PCDH11Y: variants seen among roughly 807,000 people sequenced by gnomAD.
PCDH11Y encodes the protein protocadherin 11 Y-linked, also known as protocadherin-11 Y-linked.
For missense variants in PCDH11Y, 12 were observed against 224.8 expected (o/e 0.05, Z 6.05); for synonymous variants, 9 against 83.6 (o/e 0.11, Z 4.87).
At chrY:5,298,220 T>C in intron 2 of PCDH11Y, among the ~76,000 whole-genome samples, 5 of 33,876 alleles carry the variant, frequency 1.5e-4, no homozygotes, top group Admixed American at 2.7e-4. Flanking sequence ...TATACTTGTA[T>C]GTATGAATAT....
chrY:5,729,532 T>A, intron 4 of PCDH11Y, among the ~76,000 whole-genome samples: 1 of 32,251 alleles, frequency 3.1e-5, no homozygotes, highest in Non-Finnish European at 7.6e-5. Flanking sequence ...CTTTGCTGAA[T>A]GTATACTTTG....
intron 2 of PCDH11Y, among the ~76,000 whole-genome samples, chrY:5,122,250 C>G: frequency 9.1e-5 from 3 of 33,147 alleles, no homozygotes; most frequent in Admixed American, 2.8e-4. Flanking sequence ...GAGTAGTAGA[C>G]TGGTTTCATC....
chrY:5,695,390 T>C (rs2053571567), intron 4 of PCDH11Y, among the ~76,000 whole-genome samples: 1 of 21,868 alleles, frequency 4.6e-5, no homozygotes, highest in Non-Finnish European at 1.0e-4. Context: ...GTGTTTCTTT[T>C]AGACAACAGA....
In PCDH11Y at chrY:5,059,189, C is replaced by T. The variant is rs375038663; in HGVS notation, c.636+1730C>T. ...CTCTCTCTAAAGCAACACTTCACAACAGAATTTTCTGCAAGGACGGTAATC... is the reference window on the plus strand; with the variant it reads ...CTCTCTCTAAAGCAACACTTCACAATAGAATTTTCTGCAAGGACGGTAATC... On this transcript the variant is annotated intron_variant, in intron 1 of 1. Coordinates refer to ENST00000215473, the Ensembl canonical transcript of PCDH11Y. 4.9e-3 allele frequency among the ~76,000 whole-genome samples: 161 copies of T among 32,891 alleles called. No homozygotes were observed. In the South Asian group the frequency reaches 0.076, roughly 16 times the overall value. 88.2% of individuals were successfully genotyped at this position (32,891 alleles called of 37,273 possible).
intron 2 of PCDH11Y, among the ~76,000 whole-genome samples, chrY:5,131,831 T>C: frequency 3.0e-5 from 1 of 33,581 alleles, no homozygotes; most frequent in South Asian, 6.6e-4. Flanking sequence ...TATTAAATTA[T>C]TGAGTTGTCT....
chrY:5,708,020 C>T lies in PCDH11Y; in HGVS notation c.3353-29252C>T. On this transcript the variant is annotated intron_variant, in intron 4 of 4. Transcript: ENST00000400457. ...TGGAGCTCAAACATCTAGAAGCAGACTTTTCAGTGAAAACCCTACAGGCCA... is the reference window on the plus strand; with the variant it reads ...TGGAGCTCAAACATCTAGAAGCAGATTTTTCAGTGAAAACCCTACAGGCCA... Among the ~76,000 whole-genome samples, 9 of 32,316 alleles carry T rather than the reference C, an allele frequency of 2.8e-4. No individual in the cohort carries two copies. In the South Asian group the frequency reaches 2.9e-3, roughly 10 times the overall value. The allele number at this position is 32,316 out of a possible 37,273, so 86.7% of individuals were successfully genotyped here. A position where few individuals can be genotyped will look rare whatever the true frequency, so the allele number is the denominator to read the frequency against.
chrY:5,368,851 A>G, intron 2 of PCDH11Y, among the ~76,000 whole-genome samples: 1 of 33,868 alleles, frequency 3.0e-5, no homozygotes, highest in Non-Finnish European at 7.3e-5. Context: ...CATCAGCGTG[A>G]CCTGTATGTG....
intron 4 of PCDH11Y, among the ~76,000 whole-genome samples, chrY:5,663,447 A>G (rs2053542536): frequency 3.0e-5 from 1 of 33,508 alleles, no homozygotes; most frequent in Non-Finnish European, 7.4e-5. Flanking sequence ...TAGGACAGCA[A>G]AATGCCTTAA....
intron 2 of PCDH11Y, among the ~76,000 whole-genome samples, chrY:5,249,587 A>G: frequency 9.0e-5 from 3 of 33,257 alleles, no homozygotes; most frequent in Non-Finnish European, 2.2e-4. Flanking sequence ...ATCATAAAAA[A>G]CCCAAAAAGA....
At chrY:5,581,116 A>C in intron 3 of PCDH11Y, among the ~76,000 whole-genome samples, 1 of 32,641 alleles carries the variant, frequency 3.1e-5, no homozygotes, top group Non-Finnish European at 7.6e-5. Context: ...GAAGAAAGTC[A>C]ATAATGCAAG....
intron 2 of PCDH11Y, among the ~76,000 whole-genome samples, chrY:5,318,056 G>A (rs2053108926): frequency 1.8e-3 from 59 of 32,996 alleles, no homozygotes; most frequent in Non-Finnish European, 3.7e-3. Context: ...GAACCAGACC[G>A]TATTTAAATA....
intron 2 of PCDH11Y, among the ~76,000 whole-genome samples, chrY:5,274,033 T>TA (rs2053040979): frequency 6.3e-5 from 2 of 31,563 alleles, no homozygotes; most frequent in Admixed American, 2.9e-4. Context: ...TTGGGCAATA[T>TA]AAAAAAAAAT....
At chrY:5,130,424 C>T (rs2052832274) in intron 2 of PCDH11Y, among the ~76,000 whole-genome samples, 1 of 33,474 alleles carries the variant, frequency 3.0e-5, no homozygotes, top group Admixed American at 2.7e-4. Flanking sequence ...AAACAAACAA[C>T]GCCATAAAAA....
At chrY:5,302,203 A>AGGGG (rs2053083508) in intron 2 of PCDH11Y, among the ~76,000 whole-genome samples, 1 of 14,584 alleles carries the variant, frequency 6.9e-5, no homozygotes, top group African/African-American at 3.6e-4. Context: ...AGAAGGAAGG[A>AGGGG]AGGGAGGAAG....
chrY:5,187,578 G>A, intron 2 of PCDH11Y, among the ~76,000 whole-genome samples: 1 of 31,406 alleles, frequency 3.2e-5, no homozygotes, highest in East Asian at 8.5e-4. Flanking sequence ...ATCATGGCTG[G>A]GACACAGGGC....
At position 5,439,553 on chromosome Y, in the gene PCDH11Y, C is replaced by T. The variant is rs369776828; in HGVS notation, c.3130-61504C>T. Among the ~76,000 whole-genome samples the T allele has an allele frequency of 3.9e-4, 13 of 33,369 alleles. No individual in the cohort carries two copies. The East Asian group carries it at 4.8e-3, about 12-fold the overall frequency. The allele number at this position is 33,369 out of a possible 37,273, so 89.5% of individuals were successfully genotyped here. Reference sequence around the variant, plus strand: ...ACATAATATTAAGATAGTCCCTCTACGTGAAATCATTCTAATATCAAGGGA... The same window carrying T: ...ACATAATATTAAGATAGTCCCTCTATGTGAAATCATTCTAATATCAAGGGA... On this transcript the variant is annotated intron_variant, in intron 2 of 4. Coordinates refer to the PCDH11Y transcript ENST00000400457.
intron 4 of PCDH11Y, among the ~76,000 whole-genome samples, chrY:5,709,364 T>C: frequency 6.0e-5 from 2 of 33,504 alleles, no homozygotes; most frequent in African/African-American, 2.4e-4. Context: ...TGGCATGGTC[T>C]TTCTTTATGC....
At chrY:5,258,981 G>A in intron 2 of PCDH11Y, among the ~76,000 whole-genome samples, 1 of 32,676 alleles carries the variant, frequency 3.1e-5, no homozygotes, top group South Asian at 6.8e-4. Flanking sequence ...TCCAGCATTG[G>A]GTGAATATTT....
At chrY:5,466,428 C>T (rs2053308169) in intron 2 of PCDH11Y, among the ~76,000 whole-genome samples, 1 of 32,727 alleles carries the variant, frequency 3.1e-5, no homozygotes, top group African/African-American at 1.2e-4. Flanking sequence ...GGAACTGGAG[C>T]TCAGGTCTCT....
Sources: allele counts gnomAD v4.1 joint callset (sites outside exome capture counted in the v4.1 genomes callset), GRCh38; gene constraint gnomAD v4.1.1; transcripts MANE v1.5; gene names NCBI Gene and HGNC (gene_info 2026-07-23, HGNC 2026-07-21).